The following TNS4 variants were observed in gnomAD, a reference collection of about 807,000 sequenced individuals.
TNS4 encodes the protein tensin-4.
In TNS4, 46 loss-of-function variants were observed where a neutral mutation model predicts 70.4. The ratio of observed to expected loss-of-function variants is 0.65; its 90% confidence interval spans 0.52 to 0.84. TNS4 has a LOEUF of 0.84. TNS4 is among the 40% of genes least tolerant of loss of function. The probability of loss-of-function intolerance (pLI) is 0.00; values close to 1 mark genes in which losing one functional copy is unlikely to be tolerated. For missense variants in TNS4, 863 were observed against 907.0 expected (o/e 0.95, Z 0.62); for synonymous variants, 390 against 366.6 (o/e 1.06, Z -0.73).
At chr17:40,484,895 C>T in intron 5 of TNS4, 26 bp downstream of exon 5, 2 of 1,609,968 alleles carry the variant, frequency 1.2e-6, no homozygotes, top group African/African-American at 1.3e-5. Flanking sequence ...AGACCCTATT[C>T]TGGGGTCACT....
chr17:40,487,102 G>A lies in TNS4; in HGVS notation c.1222C>T (p.Pro408Ser), dbSNP rs1346584551. The A allele has an allele frequency of 8.7e-6, 14 of 1,614,208 alleles. No homozygotes were observed. The highest frequency in any genetic ancestry group is 1.2e-5 in the Non-Finnish European group (14 of 1,180,032). Residue 408 changes from proline (P) to serine (S), a missense_variant, in exon 4 of 13, where the codon CCC (proline) becomes TCC (serine). Pro to Ser is a moderately conservative substitution (Grantham distance 74, BLOSUM62 -1). Coordinates refer to ENST00000254051, the MANE Select transcript of TNS4 (RefSeq NM_032865.6). ...CTGTTGCTCCTGGTGGCTGGACAGG[G>A]GTTGCTGGGAGAAGCAGCTCCAGGT... is the stretch of plus-strand genomic sequence containing the variant. ...VQPGAASPSN[P>S]CPATRSNSQT...
At chr17:40,487,902 T>C (rs1430446345) in intron 3 of TNS4, among the ~76,000 whole-genome samples, 1 of 152,222 alleles carries the variant, frequency 6.6e-6, no homozygotes, top group Non-Finnish European at 1.5e-5. Context: ...CAGCTTCACA[T>C]CCAGCCAGAC....
At chr17:40,477,934 C>T (rs2143773592) in intron 12 of TNS4, 1 of 611,896 alleles carries the variant, frequency 1.6e-6, no homozygotes, top group African/African-American at 1.8e-5. Context: ...TGAGTTCAAG[C>T]TCTGGGTTTC....
chr17:40,479,856 ACACTGCGCTGGGGCCACT>A lies in TNS4; in HGVS notation c.1742-32_1742-15del, dbSNP rs1177427759. On this transcript the variant is annotated splice_polypyrimidine_tract_variant and intron_variant, in intron 9 of 12. Transcript: ENST00000254051. ...GGGTGTGGCAGCCTGTGGGAGGCAGACACTGCGCTGGGGCCACTGACCCAGGGCCCAGGTTCTCCCTCT... is the reference window on the plus strand; with the variant it reads ...GGGTGTGGCAGCCTGTGGGAGGCAGAGACCCAGGGCCCAGGTTCTCCCTCT... 1 of 1,602,752 alleles carries A rather than the reference ACACTGCGCTGGGGCCACT, an allele frequency of 6.2e-7. No homozygotes were observed. Among genetic ancestry groups the A allele is most frequent in the Non-Finnish European group, 8.5e-7 (1 of 1,175,154 alleles).
intron 2 of TNS4, among the ~76,000 whole-genome samples, chr17:40,490,677 G>T (rs2036057428): frequency 3.9e-5 from 6 of 152,236 alleles, no homozygotes; most frequent in Admixed American, 3.9e-4. Flanking sequence ...GATGAGCAAG[G>T]GCTGGCAGCT....
chr17:40,496,065 G>C lies in TNS4; in HGVS notation c.361C>G (p.Pro121Ala). Residue 121 changes from proline (P) to alanine (A), a missense_variant, in exon 2 of 13, where the codon CCA becomes GCA. Transcript: ENST00000254051. ...TCAGCCTGGGAGCCCCCAGTCCCTG[G>C]GGGAAGCAGCTGGAAGGTGGGGTCC... The part of the protein sequence containing the change: ...ELDPTFQLLP[P>A]GTGGSQAELA... 1 of 1,613,362 alleles carries C rather than the reference G, an allele frequency of 6.2e-7. No individual in the cohort carries two copies.
At chr17:40,495,215 C>T (rs562023176) in intron 2 of TNS4, among the ~76,000 whole-genome samples, 43 of 152,228 alleles carry the variant, frequency 2.8e-4, no homozygotes, top group Admixed American at 4.6e-4. Context: ...AATTATTTTA[C>T]GACAGTGTCT....
intron 12 of TNS4, 48 bp from the exon 13 acceptor site, chr17:40,477,777 T>A (rs777016571): frequency 1.3e-6 from 2 of 1,589,756 alleles, no homozygotes; most frequent in South Asian, 2.2e-5. Flanking sequence ...CAGGGAGGCA[T>A]CAGGCTGGTG....
At chr17:40,500,396 C>T (rs1486307031) in intron 1 of TNS4, among the ~76,000 whole-genome samples, 3 of 152,206 alleles carry the variant, frequency 2.0e-5, no homozygotes, top group Non-Finnish European at 4.4e-5. Flanking sequence ...TTCGCGGCCC[C>T]GCACACTCCT....
In TNS4 at chr17:40,487,133, G is replaced by A. The variant is rs8071312; in HGVS notation, c.1191C>T (p.Ser397=). 69,169 of 1,614,144 alleles carry A rather than the reference G, an allele frequency of 0.043. 2,048 individuals carry two copies. Among genetic ancestry groups the A allele is most frequent in the African/African-American group, 0.15 (11,155 of 75,002 alleles). ...PPQRTPGHQN[S]VQPGAASPSN... ...TGGGAGAAGCAGCTCCAGGTTGAAC[G>A]GAGTTCTGGTGTCCTGGGGTCCGCT... Residue 397 remains serine, a synonymous_variant, in exon 4 of 13, where the codon TCC becomes TCT. Transcript: ENST00000254051.
chr17:40,498,715 C>T (rs890925926), intron 1 of TNS4, among the ~76,000 whole-genome samples: 25 of 152,232 alleles, frequency 1.6e-4, no homozygotes, highest in African/African-American at 5.8e-4. Context: ...GTGCCCTATA[C>T]CCAGAGAATT....
intron 9 of TNS4, among the ~76,000 whole-genome samples, chr17:40,480,390 C>T (rs1161373528): frequency 1.3e-5 from 2 of 152,100 alleles, no homozygotes; most frequent in Admixed American, 6.5e-5. Flanking sequence ...ACCTCTAGGG[C>T]AGGTTTCTCA....
chr17:40,490,362 G>A (rs1289783972), intron 2 of TNS4, among the ~76,000 whole-genome samples: 2 of 152,254 alleles, frequency 1.3e-5, no homozygotes, highest in Non-Finnish European at 2.9e-5. Context: ...CTGGGGGAAG[G>A]GAATTGTCCT....
intron 10 of TNS4, among the ~76,000 whole-genome samples, chr17:40,479,265 A>G (rs919266412): frequency 5.9e-5 from 9 of 152,150 alleles, no homozygotes; most frequent in African/African-American, 2.2e-4. Context: ...CTCCTGCCTC[A>G]GCCTCCCAAG....
intron 8 of TNS4, 184 bp from the exon 9 acceptor site, chr17:40,480,952 A>C: frequency 1.6e-6 from 1 of 639,764 alleles, no homozygotes; most frequent in Non-Finnish European, 2.7e-6. Context: ...GGGCTCCCTA[A>C]ATGCTTAGTT....
rs1227519337 is a variant in TNS4, at chr17:40,487,424, A to G, written c.900T>C (p.His300=). 1 of 1,612,592 alleles carries G rather than the reference A, an allele frequency of 6.2e-7. No homozygotes were observed. Among genetic ancestry groups the G allele is most frequent in the Non-Finnish European group, 8.5e-7 (1 of 1,178,854 alleles). The change falls in exon 4 of 13, where the codon CAT becomes CAC. Residue 300 remains histidine (H), a synonymous_variant. Coordinates refer to ENST00000254051, the MANE Select transcript of TNS4 (RefSeq NM_032865.6). ...TTTCCAAGGATCTGGAAGATGACTG[A>G]TGGCTGGAGTTGCTGGAGTGCAGGA... is the stretch of plus-strand genomic sequence containing the variant. ...QSLLHSSNSS[H]QSSSRSLESP...
At position 40,500,114 on chromosome 17, in the gene TNS4, C is replaced by T. The variant is rs558419410; in HGVS notation, c.-96+1420G>A. 2.6e-5 allele frequency among the ~76,000 whole-genome samples: 4 copies of T among 152,314 alleles called. No individual in the cohort carries two copies. In the South Asian group the frequency reaches 8.3e-4, roughly 32 times the overall value. On this transcript the variant is annotated intron_variant, in intron 1 of 12. Coordinates refer to ENST00000254051, the MANE Select transcript of TNS4 (RefSeq NM_032865.6). ...GAGGAATTTGCCCAAGGTCATACAA[C>T]CCCAACTGTGAATTGGGGTTTAAAC...
At position 40,482,324 on chromosome 17, in the gene TNS4, C is replaced by T. The variant is rs201223141; in HGVS notation, c.1594G>A (p.Gly532Arg). 3.1e-6 allele frequency: 5 copies of T among 1,614,164 alleles called. No individual in the cohort carries two copies. The highest frequency in any genetic ancestry group is 4.2e-6 in the Non-Finnish European group (5 of 1,180,016). Residue 532 changes from glycine (G) to arginine (R), a missense_variant and splice_region_variant, in exon 7 of 13, where the codon GGG (glycine) becomes AGG (arginine). Physicochemically the swap from Gly to Arg is moderately radical, Grantham distance 125 (BLOSUM62 -2). Transcript: ENST00000254051. ...LKGADEEPYF[G>R]SLSAFVCQHS... Reference sequence around the variant, plus strand: ...GAGCCTGGAGGCTGGGGAGTCTCACCAAAGTAGGGCTCCTCATCTGCTCCT... The same window carrying T: ...GAGCCTGGAGGCTGGGGAGTCTCACTAAAGTAGGGCTCCTCATCTGCTCCT...
At chr17:40,479,523 G>A in intron 10 of TNS4, 151 bp downstream of exon 10, 1 of 885,326 alleles carries the variant, frequency 1.1e-6, no homozygotes, top group Non-Finnish European at 1.7e-6. Context: ...AGGCAGGGAA[G>A]CTGCCTGGAG....
Sources: gnomAD v4.1 joint callset for allele counts (sites outside exome capture counted in the v4.1 genomes callset) on GRCh38, gnomAD v4.1.1 for gene constraint, MANE v1.5 for transcripts, NCBI Gene and HGNC (gene_info 2026-07-23, HGNC 2026-07-21) for gene names.